Variants in APOBEC4 observed in about 807,000 individuals in gnomAD.
APOBEC4 encodes the protein apolipoprotein B mRNA editing enzyme catalytic polypeptide like 4, also known as putative deaminase APOBEC-4.
For synonymous variants in APOBEC4, 141 were observed against 154.2 expected (o/e 0.91, Z 0.63); for missense variants, 375 against 441.2 (o/e 0.85, Z 1.34).
At chr1:183,651,706 C>T (rs1161504020) in intron 1 of APOBEC4, among the ~76,000 whole-genome samples, 1 of 152,156 alleles carries the variant, frequency 6.6e-6, no homozygotes, top group East Asian at 1.9e-4. Flanking sequence ...TTGTTTTTTC[C>T]TTAGTACTAT....
Position 183,646,794 on chromosome 1 carries a change from A to G in APOBEC4, c.*884T>C, listed in dbSNP as rs12047865. The G allele has an allele frequency of 0.069, 10,446 of 152,250 alleles. 625 individuals carry two copies. Among genetic ancestry groups the G allele is most frequent in the African/African-American group, 0.16 (6,767 of 41,512 alleles). The allele number at this position is 152,250 out of a possible 1,614,324, so 9.4% of individuals were successfully genotyped here. On this transcript the variant is annotated 3_prime_UTR_variant, in exon 2 of 2. Transcript: ENST00000308641. ...GATGGAGAAGGGATGCTGAGTTACA[A>G]TCATTGGTGAAGTTATTGAGATGTC...
chr1:183,648,493 T>C lies in APOBEC4; in HGVS notation c.289A>G (p.Met97Val), dbSNP rs1475872150. 3 of 1,614,226 alleles carry C rather than the reference T, an allele frequency of 1.9e-6. No homozygotes were observed. The highest frequency in any genetic ancestry group is 2.5e-6 in the Non-Finnish European group (3 of 1,180,046). Residue 97 changes from methionine to valine, a missense_variant, in exon 2 of 2, where the codon ATG becomes GTG. By Grantham distance (21) the Met-to-Val change is conservative (BLOSUM62 1). Transcript: ENST00000308641. ...AGATAACCATTCATTTCAAAGAGCA[T>C]TGATTCTGGATGGATATAATTCCCA... is the stretch of plus-strand genomic sequence containing the variant. ...CTGNYIHPES[M>V]LFEMNGYLDS...
rs972343530 is a variant in APOBEC4 at position 183,646,429 on chromosome 1, A to G, written c.*1249T>C. 2 of 151,798 alleles carry G rather than the reference A, an allele frequency of 1.3e-5. No homozygotes were observed. Among genetic ancestry groups the G allele is most frequent in the Non-Finnish European group, 2.9e-5 (2 of 67,948 alleles). 9.4% of individuals were successfully genotyped at this position (151,798 alleles called of 1,614,324 possible). On this transcript the variant is annotated 3_prime_UTR_variant, in exon 2 of 2. Transcript: ENST00000308641. ...TAGCTTAGGATTACTTTATATATATATATAAAGAAAAAAATTAATAGCAAG... is the reference window on the plus strand; with the variant it reads ...TAGCTTAGGATTACTTTATATATATGTATAAAGAAAAAAATTAATAGCAAG...
chr1:183,648,346 G>A lies in APOBEC4; in HGVS notation c.436C>T (p.Pro146Ser), dbSNP rs1288464768. Residue 146 changes from proline to serine, a missense_variant, in exon 2 of 2, where the codon CCA becomes TCA. Physicochemically the swap from Pro to Ser is moderately conservative, Grantham distance 74 (BLOSUM62 -1). Transcript: ENST00000308641. ...AAATAAATACTAAGAGTGATGCCTG[G>A]ATACGTAATCAGGAAATTATACATT... is the stretch of plus-strand genomic sequence containing the variant. ...SKMYNFLITY[P>S]GITLSIYFSQ... is the part of the protein sequence containing the mutation. 3 of 1,614,082 alleles carry A rather than the reference G, an allele frequency of 1.9e-6. No individual in the cohort carries two copies. Among genetic ancestry groups the A allele is most frequent in the Non-Finnish European group, 2.5e-6 (3 of 1,180,042 alleles).
rs1650895882 is a variant in APOBEC4, at chr1:183,653,185, T to C, written c.-144A>G. 1 of 152,204 alleles carries C rather than the reference T, an allele frequency of 6.6e-6. No homozygotes were observed. Among genetic ancestry groups the C allele is most frequent in the African/African-American group, 2.4e-5 (1 of 41,456 alleles). 9.4% of individuals were successfully genotyped at this position (152,204 alleles called of 1,614,324 possible). A position where few individuals can be genotyped will look rare whatever the true frequency, so the allele number is the denominator to read the frequency against. ...TGTTTCAAGTAGCTTCAGAAGGCAA[T>C]TGTGCTGTAAAGATTCACCTTGTAA... is the stretch of plus-strand genomic sequence containing the variant. On this transcript the variant is annotated 5_prime_UTR_variant, in exon 1 of 2. Coordinates refer to ENST00000308641, the MANE Select transcript of APOBEC4 (RefSeq NM_203454.3).
intron 1 of APOBEC4, among the ~76,000 whole-genome samples, chr1:183,652,574 A>G (rs1650842447): frequency 6.6e-6 from 1 of 151,176 alleles, no homozygotes; most frequent in Non-Finnish European, 1.5e-5. Context: ...TATCTTGTTA[A>G]CTTTTGGTAT....
Position 183,646,313 on chromosome 1 carries a change from A to G in APOBEC4, c.*1365T>C, listed in dbSNP as rs1176247116. 1.3e-5 allele frequency: 2 copies of G among 152,160 alleles called. No homozygotes were observed. The highest frequency in any genetic ancestry group is 2.9e-5 in the Non-Finnish European group (2 of 68,034). The allele number at this position is 152,160 out of a possible 1,614,324, so 9.4% of individuals were successfully genotyped here. A position where few individuals can be genotyped will look rare whatever the true frequency, so the allele number is the denominator to read the frequency against. On this transcript the variant is annotated 3_prime_UTR_variant, in exon 2 of 2. Coordinates refer to ENST00000308641, the MANE Select transcript of APOBEC4 (RefSeq NM_203454.3). ...TTTTATTCATGTTTATTTTAACCAC[A>G]ATACTAATTGCTATTCCTAAAATAT...
At chr1:183,649,978 A>G (rs1650599280) in intron 1 of APOBEC4, among the ~76,000 whole-genome samples, 1 of 151,656 alleles carries the variant, frequency 6.6e-6, no homozygotes, top group Admixed American at 6.6e-5. Context: ...TGCCCAGATA[A>G]TTTTTTTATT....
In APOBEC4 at chr1:183,648,251, C is replaced by A. The variant is rs113062643; in HGVS notation, c.531G>T (p.Leu177=). Residue 177 remains leucine, a synonymous_variant, in exon 2 of 2, where the codon CTG becomes CTT. Coordinates refer to ENST00000308641, the MANE Select transcript of APOBEC4 (RefSeq NM_203454.3). ...SAWNREALRS[L]ASLWPRVVLS... is the part of the protein sequence containing the mutation. ...AAACAACCCGCGGCCATAAGCTGGC[C>A]AGGCTCCGGAGAGCTTCGCGGTTCC... The A allele has an allele frequency of 7.2e-4, 1,167 of 1,614,174 alleles. 11 individuals are homozygous for A. The African/African-American group carries it at 0.014, about 19-fold the overall frequency.
intron 1 of APOBEC4, among the ~76,000 whole-genome samples, chr1:183,650,548 G>A (rs115011681): frequency 0.082 from 12,422 of 151,462 alleles, 1,000 homozygotes; most frequent in African/African-American, 0.21. Flanking sequence ...GTCTCAAAAC[G>A]AAAAACAAAA....
At position 183,647,948 on chromosome 1, in the gene APOBEC4, T is replaced by C; in HGVS notation, c.834A>G (p.Gln278=). ...PGQFFQMPSG[Q]LQPNLPPDLR... is the part of the protein sequence containing the mutation. ...GGTCTGGAGGTAGGTTGGGTTGGAG[T>C]TGTCCACTCGGCATTTGAAAAAACT... Residue 278 remains glutamine, a synonymous_variant, in exon 2 of 2, where the codon CAA becomes CAG. Coordinates refer to ENST00000308641, the MANE Select transcript of APOBEC4 (RefSeq NM_203454.3). 6.2e-7 allele frequency: 1 copy of C among 1,614,080 alleles called. No homozygotes were observed. Among genetic ancestry groups the C allele is most frequent in the Admixed American group, 1.7e-5 (1 of 60,002 alleles).
At chr1:183,648,852 A>G in intron 1 of APOBEC4, 41 bp from the exon 2 acceptor site, 2 of 1,260,194 alleles carry the variant, frequency 1.6e-6, no homozygotes, top group African/African-American at 1.5e-5. Flanking sequence ...CCAGCGCAGG[A>G]AAAACTGAAG....
chr1:183,647,480 G>A lies in APOBEC4; in HGVS notation c.*198C>T. 1.3e-6 allele frequency: 1 copy of A among 781,994 alleles called. No homozygotes were observed. The highest frequency in any genetic ancestry group is 1.8e-6 in the Non-Finnish European group (1 of 561,182). 48.4% of individuals were successfully genotyped at this position (781,994 alleles called of 1,614,324 possible). On this transcript the variant is annotated 3_prime_UTR_variant, in exon 2 of 2. Transcript: ENST00000308641. ...CAAAATAAAGGAGAGAGATCAAGTT[G>A]CTTATGGAAACATTTTGGATTATGT...
chr1:183,647,743 T>G lies in APOBEC4; in HGVS notation c.1039A>C (p.Ile347Leu). 9.3e-6 allele frequency: 15 copies of G among 1,613,936 alleles called. No individual in the cohort carries two copies. Among genetic ancestry groups the G allele is most frequent in the Non-Finnish European group, 1.2e-5 (14 of 1,179,850 alleles). The change falls in exon 2 of 2, where the codon ATC becomes CTC. Residue 347 changes from isoleucine (I) to leucine (L), a missense_variant. Coordinates refer to ENST00000308641, the MANE Select transcript of APOBEC4 (RefSeq NM_203454.3). ...PTGRSVEIVEITEQFASSKEA... is the reference protein window; with the variant it reads ...PTGRSVEIVELTEQFASSKEA... ...TTGCTACTTGCAAACTGTTCTGTGA[T>G]TTCCACTATCTCCACTGACCTTCCA...
At position 183,649,383 on chromosome 1, in the gene APOBEC4, TG is replaced by T. The variant is rs1193983604; in HGVS notation, c.-30-573del. Among the ~76,000 whole-genome samples the T allele has an allele frequency of 4.6e-5, 7 of 152,382 alleles. No homozygotes were observed. The East Asian group carries it at 1.3e-3, about 29-fold the overall frequency. Reference sequence around the variant, plus strand: ...AAAAAAGTGTTTTGCATTTTGTTCATGATCTTTCTTCTCAGAATATGTTAAC... The same window carrying T: ...AAAAAAGTGTTTTGCATTTTGTTCATATCTTTCTTCTCAGAATATGTTAAC... On this transcript the variant is annotated intron_variant, in intron 1 of 1. Coordinates refer to ENST00000308641, the MANE Select transcript of APOBEC4 (RefSeq NM_203454.3).
Position 183,648,660 on chromosome 1 carries a change from G to C in APOBEC4, c.122C>G (p.Ala41Gly), listed in dbSNP as rs182486585. The change falls in exon 2 of 2, where the codon GCA (alanine) becomes GGA (glycine). Residue 41 changes from alanine (A) to glycine (G), a missense_variant. Coordinates refer to ENST00000308641, the MANE Select transcript of APOBEC4 (RefSeq NM_203454.3). ...CPYHIRTGEE[A>G]RVSLTEFCQI... is the part of the protein sequence containing the mutation. ...ACAAAATTCTGTGAGGGAAACTCTTGCTTCTTCACCTGTTCGAATATGGTA... is the reference window on the plus strand; with the variant it reads ...ACAAAATTCTGTGAGGGAAACTCTTCCTTCTTCACCTGTTCGAATATGGTA... 6.2e-7 allele frequency: 1 copy of C among 1,614,218 alleles called. No homozygotes were observed.
rs976649807 is a variant in APOBEC4, at chr1:183,646,484, T to C, written c.*1194A>G. 1.3e-5 allele frequency: 2 copies of C among 152,128 alleles called. No homozygotes were observed. The highest frequency in any genetic ancestry group is 2.4e-5 in the African/African-American group (1 of 41,450). The allele number at this position is 152,128 out of a possible 1,614,324, so 9.4% of individuals were successfully genotyped here. On this transcript the variant is annotated 3_prime_UTR_variant, in exon 2 of 2. Coordinates refer to ENST00000308641, the MANE Select transcript of APOBEC4 (RefSeq NM_203454.3). ...GAGAAAATGTACATTTTTCTTGTAA[T>C]GTATCTTTACATATTTCAAAGAGGC...
intron 1 of APOBEC4, among the ~76,000 whole-genome samples, chr1:183,650,487 G>A (rs1389943819): frequency 1.3e-5 from 2 of 152,128 alleles, no homozygotes; most frequent in Non-Finnish European, 2.9e-5. Flanking sequence ...AGCTTGCAGT[G>A]AGCCAACATC....
At chr1:183,650,411 C>T (rs920392860) in intron 1 of APOBEC4, among the ~76,000 whole-genome samples, 1 of 152,018 alleles carries the variant, frequency 6.6e-6, no homozygotes, top group Non-Finnish European at 1.5e-5. Flanking sequence ...GGTGTGGTGG[C>T]ATGCGCCTGT....
Sources: allele counts gnomAD v4.1 joint callset (sites outside exome capture counted in the v4.1 genomes callset), GRCh38; gene constraint gnomAD v4.1.1; transcripts MANE v1.5; gene names NCBI Gene and HGNC (gene_info 2026-07-23, HGNC 2026-07-21).